Variants in KATNAL2 observed in about 807,000 individuals in gnomAD.
The protein encoded by KATNAL2 is katanin p60 ATPase-containing subunit A-like 2.
In KATNAL2, 52 loss-of-function variants were observed where a neutral mutation model predicts 76.3. That is an observed-to-expected ratio of 0.68 (90% CI 0.55 to 0.86). KATNAL2 has a LOEUF of 0.86. KATNAL2 is among the 40% of genes least tolerant of loss of function. The pLI is 0.00. For missense variants in KATNAL2, 660 were observed against 668.9 expected (o/e 0.99, Z 0.15); for synonymous variants, 243 against 244.2 (o/e 1.00, Z 0.05).
At chr18:47,064,876 A>C (rs930819884) in intron 10 of KATNAL2, among the ~76,000 whole-genome samples, 1 of 152,150 alleles carries the variant, frequency 6.6e-6, no homozygotes, top group African/African-American at 2.4e-5. Flanking sequence ...GGATTGATAC[A>C]AGGAGAAACT....
chr18:46,957,315 G>T (rs1367648980), intron 3 of KATNAL2, among the ~76,000 whole-genome samples: 1 of 142,698 alleles, frequency 7.0e-6, no homozygotes, highest in Non-Finnish European at 1.5e-5. Context: ...GTGCAGTGGC[G>T]CGGTCTCGGC....
In KATNAL2 at chr18:47,101,135, C is replaced by A; in HGVS notation, c.*130C>A. The A allele has an allele frequency of 1.9e-6, 2 of 1,029,928 alleles. No individual in the cohort carries two copies. The highest frequency in any genetic ancestry group is 2.8e-6 in the Non-Finnish European group (2 of 709,104). 63.8% of individuals were successfully genotyped at this position (1,029,928 alleles called of 1,614,324 possible). On this transcript the variant is annotated 3_prime_UTR_variant, in exon 18 of 18. Coordinates refer to ENST00000683218, the MANE Select transcript of KATNAL2 (RefSeq NM_001387690.1). ...TTTTTGAAGACTGGATTAACTTGAG[C>A]CACTGTATTGTTTTGGATAGCTGAG...
rs897024217 is a variant in KATNAL2 at position 47,035,403 on chromosome 18, G to C, written c.52-11054G>C. ...CCTCGGGATGTGGAGTCACAGCCTG[G>C]AGCGAGCTGGGTCCTCGGAGCAGCA... On this transcript the variant is annotated intron_variant, in intron 3 of 17. Coordinates refer to ENST00000683218, the MANE Select transcript of KATNAL2 (RefSeq NM_001387690.1). The C allele has an allele frequency of 6.0e-6, 9 of 1,494,080 alleles. No individual in the cohort carries two copies. In the African/African-American group the frequency reaches 1.1e-4, roughly 19 times the overall value. 92.6% of individuals were successfully genotyped at this position (1,494,080 alleles called of 1,614,324 possible).
At chr18:47,065,184 A>G (rs1417937880) in intron 10 of KATNAL2, among the ~76,000 whole-genome samples, 2 of 152,142 alleles carry the variant, frequency 1.3e-5, no homozygotes, top group Non-Finnish European at 2.9e-5. Flanking sequence ...TCTAGACCAG[A>G]TGCAGTGGCT....
At chr18:47,066,888 T>TATATATATATATAC (rs11281082) in intron 10 of KATNAL2, 133 bp from the exon 11 acceptor site, 3 of 75,816 alleles carry the variant, frequency 4.0e-5, no homozygotes, top group African/African-American at 1.3e-4. Flanking sequence ...TATATATATA[T>TATATATATATATAC]ATATAATATG....
intron 1 of KATNAL2, among the ~76,000 whole-genome samples, chr18:46,936,144 A>G (rs758985298): frequency 6.6e-6 from 1 of 152,222 alleles, no homozygotes; most frequent in African/African-American, 2.4e-5. Context: ...TACCATACCT[A>G]TCTCAGTAAC....
At chr18:46,935,881 C>T (rs1441227568) in intron 1 of KATNAL2, among the ~76,000 whole-genome samples, 1 of 151,744 alleles carries the variant, frequency 6.6e-6, no homozygotes, top group African/African-American at 2.4e-5. Context: ...GCACCACTGC[C>T]CTCCAGCCTG....
chr18:46,959,972 G>C (rs1487699890), intron 3 of KATNAL2, among the ~76,000 whole-genome samples: 1 of 152,206 alleles, frequency 6.6e-6, no homozygotes, highest in Non-Finnish European at 1.5e-5. Context: ...TTTCAACTGA[G>C]ATGGCATAAT....
At chr18:47,100,792 T>A (rs1159642580) in intron 17 of KATNAL2, 74 bp from the exon 18 acceptor site, 2 of 1,529,474 alleles carry the variant, frequency 1.3e-6, no homozygotes, top group Admixed American at 1.7e-5. Flanking sequence ...TGAAAGAAGG[T>A]CTATTAGCGT....
At chr18:46,952,631 C>T (rs1339948426) in intron 3 of KATNAL2, among the ~76,000 whole-genome samples, 1 of 151,964 alleles carries the variant, frequency 6.6e-6, no homozygotes, top group Non-Finnish European at 1.5e-5. Flanking sequence ...GAACTCCTGA[C>T]CTCATGATCC....
chr18:47,063,455 G>C, intron 10 of KATNAL2, 94 bp downstream of exon 10: 1 of 895,486 alleles, frequency 1.1e-6, no homozygotes, highest in Non-Finnish European at 1.7e-6. Context: ...CAATAAATAT[G>C]ATCATTTATT....
chr18:46,933,008 C>T (rs776497731), intron 1 of KATNAL2, among the ~76,000 whole-genome samples: 118 of 152,076 alleles, frequency 7.8e-4, no homozygotes, highest in Non-Finnish European at 1.3e-3. Flanking sequence ...GGTGATCCGC[C>T]CTCCTCGGCC....
At chr18:47,062,357 G>A (rs1029497498) in intron 8 of KATNAL2, among the ~76,000 whole-genome samples, 8 of 151,024 alleles carry the variant, frequency 5.3e-5, no homozygotes, top group African/African-American at 1.5e-4. Context: ...GCATAACAGA[G>A]TGAGATCCTG....
chr18:46,940,374 C>A (rs1368388522), intron 1 of KATNAL2, among the ~76,000 whole-genome samples: 2 of 152,160 alleles, frequency 1.3e-5, no homozygotes, highest in Non-Finnish European at 2.9e-5. Context: ...TCTTACATTC[C>A]AACAATCTTT....
At chr18:46,921,607 G>A (rs936077577) in intron 1 of KATNAL2, among the ~76,000 whole-genome samples, 2 of 151,554 alleles carry the variant, frequency 1.3e-5, no homozygotes, top group African/African-American at 4.9e-5. Context: ...AGTGTACTCT[G>A]TAAATTTATA....
At chr18:46,954,620 C>T (rs138122073) in intron 3 of KATNAL2, among the ~76,000 whole-genome samples, 3 of 151,596 alleles carry the variant, frequency 2.0e-5, no homozygotes, top group East Asian at 2.0e-4. Flanking sequence ...TGAGCCCCCG[C>T]GCCTGGCATC....
At position 46,946,358 on chromosome 18, in the gene KATNAL2, T is replaced by G. The variant is rs767747733; in HGVS notation, c.-208T>G. 295 of 1,024,630 alleles carry G rather than the reference T, an allele frequency of 2.9e-4. No individual in the cohort carries two copies. The highest frequency in any genetic ancestry group is 3.4e-4 in the Non-Finnish European group (288 of 852,048). 63.5% of individuals were successfully genotyped at this position (1,024,630 alleles called of 1,614,324 possible). A position where few individuals can be genotyped will look rare whatever the true frequency, so the allele number is the denominator to read the frequency against. ...CCCAGAAGGCTCTTGACAACCAAAG[T>G]GTCCACAGCAGATTCGTCCAGTCTA... is the stretch of plus-strand genomic sequence containing the variant. On this transcript the variant is annotated 5_prime_UTR_variant, in exon 2 of 18. Coordinates refer to ENST00000683218, the MANE Select transcript of KATNAL2 (RefSeq NM_001387690.1).
At chr18:47,035,732 A>G in intron 3 of KATNAL2, 1 of 210,468 alleles carries the variant, frequency 4.8e-6, no homozygotes, top group Non-Finnish European at 1.0e-5. Flanking sequence ...GATTAGGTTA[A>G]TTTCAGCCTC....
intron 3 of KATNAL2, among the ~76,000 whole-genome samples, chr18:47,039,598 C>T (rs971347450): frequency 2.6e-5 from 4 of 152,018 alleles, no homozygotes; most frequent in African/African-American, 9.7e-5. Flanking sequence ...TGTAATTGAC[C>T]CTCCTCATCT....
Sources: allele counts gnomAD v4.1 joint callset (sites outside exome capture counted in the v4.1 genomes callset), GRCh38; gene constraint gnomAD v4.1.1; transcripts MANE v1.5; gene names NCBI Gene and HGNC (gene_info 2026-07-23, HGNC 2026-07-21).